Variants in ABCA10 observed in about 807,000 individuals in gnomAD.
ABCA10 encodes ATP binding cassette subfamily A member 10, also known as ATP-binding cassette sub-family A member 10.
Under a neutral mutation model 187.5 loss-of-function variants are expected in ABCA10, and 169 were observed. That is an observed-to-expected ratio of 0.90 (90% CI 0.80 to 1.02). The LOEUF (loss-of-function observed/expected upper bound fraction) is 1.02, where lower values mean the gene tolerates loss of function less well. Ranked by LOEUF, ABCA10 falls within the 50% of genes least tolerant of loss-of-function variation. ABCA10 has a pLI of 0.00. For synonymous variants in ABCA10, 574 were observed against 601.8 expected, an observed-to-expected ratio of 0.95 and a Z score of 0.68; for missense variants, 1,727 against 1,812.4, an observed-to-expected ratio of 0.95 and a Z score of 0.86.
Position 69,153,545 on chromosome 17 carries a change from A to G in ABCA10, c.3967T>C (p.Leu1323=). ...TCCTGGAGCTTAAGAGCTTCCACCA[A>G]TCTGACAAAAAACAGTGTGATTATA... The part of the protein sequence containing the change: ...KEDAALSISR[L]VEALKLQEQL... Residue 1323 remains leucine, a splice_region_variant and synonymous_variant, in exon 33 of 39, where the codon TTG becomes CTG. Coordinates refer to ENST00000690296, the MANE Select transcript of ABCA10 (RefSeq NM_001377321.1). The G allele has an allele frequency of 1.2e-6, 2 of 1,614,118 alleles. No homozygotes were observed. The highest frequency in any genetic ancestry group is 1.7e-4 in the Middle Eastern group (1 of 6,048).
In ABCA10 at chr17:69,165,047, G is replaced by T; in HGVS notation, c.3199C>A (p.Gln1067Lys). The change falls in exon 26 of 39, where the codon CAA becomes AAA. Residue 1067 changes from glutamine to lysine, a missense_variant. Coordinates refer to ENST00000690296, the MANE Select transcript of ABCA10 (RefSeq NM_001377321.1). ...ICVSTIMVST[Q>K]YEKLNLILCM... is the part of the protein sequence containing the mutation. ...AAAATTAAGTTGAGTTTTTCATATTGAGTTGATACCATAATTGTGGATACA... is the reference window on the plus strand; with the variant it reads ...AAAATTAAGTTGAGTTTTTCATATTTAGTTGATACCATAATTGTGGATACA... The T allele has an allele frequency of 1.3e-6, 2 of 1,590,244 alleles. No individual in the cohort carries two copies. Among genetic ancestry groups the T allele is most frequent in the South Asian group, 2.2e-5 (2 of 90,534 alleles).
At chr17:69,182,829 C>CA (rs757289764) in intron 20 of ABCA10, 21 bp from the exon 21 acceptor site, 4 of 1,363,146 alleles carry the variant, frequency 2.9e-6, no homozygotes, top group East Asian at 2.7e-5. Context: ...GGAAGGAAGG[C>CA]AACAAGAAAA....
Position 69,216,356 on chromosome 17 carries a change from A to G in ABCA10, c.533T>C (p.Leu178Pro), listed in dbSNP as rs2074704837. Residue 178 changes from leucine to proline, a missense_variant and splice_region_variant, in exon 7 of 39, where the codon CTC (leucine) becomes CCC (proline). Leu to Pro is a moderately conservative substitution (Grantham distance 98). Transcript: ENST00000690296. Reference sequence around the variant, plus strand: ...GCAAATGTATGTCAATCCCCAGGAGAGCCTATAGTAGAAACAAGGTGTTAG... The same window carrying G: ...GCAAATGTATGTCAATCCCCAGGAGGGCCTATAGTAGAAACAAGGTGTTAG... Reference protein sequence around the residue: ...VMGLRESAFWLSWGLTYICFI... With the variant: ...VMGLRESAFWPSWGLTYICFI... 6.2e-7 allele frequency: 1 copy of G among 1,607,562 alleles called. No individual in the cohort carries two copies.
chr17:69,184,616 T>C (rs150644348), intron 20 of ABCA10, among the ~76,000 whole-genome samples: 16 of 152,146 alleles, frequency 1.1e-4, no homozygotes, highest in African/African-American at 3.4e-4. Context: ...GAATATAAAC[T>C]AGTAAAACCA....
At chr17:69,212,528 T>C (rs2074668719) in intron 9 of ABCA10, among the ~76,000 whole-genome samples, 1 of 152,202 alleles carries the variant, frequency 6.6e-6, no homozygotes, top group South Asian at 2.1e-4. Context: ...CTTTCTATCT[T>C]GATGACCTGT....
At chr17:69,233,803 T>C (rs139049025), upstream of ABCA10, 5 of 152,368 alleles carry the variant, frequency 3.3e-5, no homozygotes, top group East Asian at 9.6e-4. Flanking sequence ...TTAAAGGGCA[T>C]GCTAAGCCCA....
chr17:69,199,530 T>C (rs1033322007), intron 10 of ABCA10, among the ~76,000 whole-genome samples: 7 of 152,220 alleles, frequency 4.6e-5, no homozygotes, highest in Non-Finnish European at 1.0e-4. Flanking sequence ...TGGATGACAC[T>C]GTATGCAGGT....
At position 69,222,678 on chromosome 17, in the gene ABCA10, T is replaced by C; in HGVS notation, c.54A>G (p.Thr18=). The change falls in exon 4 of 39, where the codon ACA becomes ACG. Residue 18 remains threonine, a synonymous_variant. Coordinates refer to ENST00000690296, the MANE Select transcript of ABCA10 (RefSeq NM_001377321.1). ...CTATATCCATGGTCTCTTCATCTGG[T>C]GTCCCAATGACTGTTCTTCCTACCA... is the stretch of plus-strand genomic sequence containing the variant. ...SFMKGRTVIG[T]PDEETMDIEL... The C allele has an allele frequency of 6.3e-7, 1 of 1,589,550 alleles. No individual in the cohort carries two copies. Among genetic ancestry groups the C allele is most frequent in the South Asian group, 1.2e-5 (1 of 85,340 alleles).
intron 29 of ABCA10, 127 bp from the exon 30 acceptor site, chr17:69,155,263 T>G: frequency 1.5e-6 from 1 of 653,618 alleles, no homozygotes; most frequent in Non-Finnish European, 2.6e-6. Context: ...AGCTTTAGCC[T>G]CTTTTTTCAA....
intron 10 of ABCA10, among the ~76,000 whole-genome samples, chr17:69,199,900 A>C (rs2074531831): frequency 6.6e-6 from 1 of 152,240 alleles, no homozygotes; most frequent in Non-Finnish European, 1.5e-5. Context: ...AAAGTGATAA[A>C]CTATAGCTAC....
chr17:69,166,165 C>G (rs540218490), intron 25 of ABCA10, among the ~76,000 whole-genome samples: 2 of 152,230 alleles, frequency 1.3e-5, no homozygotes, highest in African/African-American at 4.8e-5. Flanking sequence ...GGCTAATCAT[C>G]TTATTCTCAA....
chr17:69,211,346 T>TGTG (rs763910940), intron 9 of ABCA10, among the ~76,000 whole-genome samples: 492 of 27,750 alleles, frequency 0.018, 14 homozygotes, highest in African/African-American at 0.073. Context: ...TATATATATA[T>TGTG]ATATATATAT....
chr17:69,183,663 G>A (rs539248149), intron 20 of ABCA10, among the ~76,000 whole-genome samples: 4 of 152,156 alleles, frequency 2.6e-5, no homozygotes, highest in Admixed American at 1.3e-4. Context: ...AAAGCCAAGC[G>A]AAATATAGGG....
At chr17:69,208,413 G>A (rs999949968) in intron 9 of ABCA10, among the ~76,000 whole-genome samples, 33 of 61,490 alleles carry the variant, frequency 5.4e-4, no homozygotes, top group South Asian at 6.2e-4. Context: ...GCGAGACTCT[G>A]TCTCAAAAAA....
intron 27 of ABCA10, 111 bp from the exon 28 acceptor site, chr17:69,157,034 T>C (rs2074179994): frequency 1.6e-6 from 1 of 631,930 alleles, no homozygotes; most frequent in East Asian, 3.7e-5. Context: ...TCTTGAAGAT[T>C]TGATCATTTT....
intron 9 of ABCA10, among the ~76,000 whole-genome samples, chr17:69,203,134 C>T (rs541777373): frequency 6.8e-4 from 104 of 152,180 alleles, no homozygotes; most frequent in Middle Eastern, 3.4e-3. Flanking sequence ...GATAGAAATT[C>T]TTTGACAAGA....
chr17:69,149,949 T>C (rs776557690), intron 37 of ABCA10, 35 bp downstream of exon 37: 2 of 1,464,068 alleles, frequency 1.4e-6, no homozygotes, highest in South Asian at 1.2e-5. Flanking sequence ...ATGCAACCAA[T>C]ACATAAAGTC....
Position 69,192,610 on chromosome 17 carries a change from T to A in ABCA10, c.1824A>T (p.Gly608=). The part of the protein sequence containing the change: ...FLSNGKLKCA[G]SSLFLKRKWG... ...ACTTTCGCTTCAGAAACAAAGATGATCCTGCACATTTCAACTTCCCATTAG... is the reference window on the plus strand; with the variant it reads ...ACTTTCGCTTCAGAAACAAAGATGAACCTGCACATTTCAACTTCCCATTAG... The change falls in exon 16 of 39, where the codon GGA becomes GGT. Residue 608 remains glycine, a synonymous_variant. Coordinates refer to ENST00000690296, the MANE Select transcript of ABCA10 (RefSeq NM_001377321.1). 11 of 1,613,674 alleles carry A rather than the reference T, an allele frequency of 6.8e-6. No homozygotes were observed. Among genetic ancestry groups the A allele is most frequent in the Non-Finnish European group, 9.3e-6 (11 of 1,179,896 alleles).
At chr17:69,221,765 A>G in intron 5 of ABCA10, 27 bp downstream of exon 5, 1 of 1,565,120 alleles carries the variant, frequency 6.4e-7, no homozygotes, top group Non-Finnish European at 8.8e-7. Context: ...ACAGATTTAA[A>G]ATATAGCTTT....
Sources: gnomAD v4.1 joint callset for allele counts (sites outside exome capture counted in the v4.1 genomes callset) on GRCh38, gnomAD v4.1.1 for gene constraint, MANE v1.5 for transcripts, NCBI Gene and HGNC (gene_info 2026-07-23, HGNC 2026-07-21) for gene names.